Variants in NT5C1A observed in about 807,000 individuals in gnomAD.
The protein encoded by NT5C1A is 5'-nucleotidase, cytosolic IA, also known as cytosolic 5'-nucleotidase 1A.
In NT5C1A, 18 loss-of-function variants were observed where a neutral mutation model predicts 31.0. The ratio of observed to expected loss-of-function variants is 0.58; its 90% CI spans 0.40 to 0.86. The LOEUF is 0.86. Ranked by LOEUF, NT5C1A falls within the 40% of genes least tolerant of loss-of-function variation. NT5C1A has a pLI of 0.00. For missense variants in NT5C1A, 470 were observed against 505.4 expected (o/e 0.93, Z 0.67); for synonymous variants, 185 against 203.6 (o/e 0.91, Z 0.78).
intron 1 of NT5C1A, among the ~76,000 whole-genome samples, chr1:39,670,377 CA>C: frequency 6.6e-6 from 1 of 152,154 alleles, no homozygotes; most frequent in South Asian, 2.1e-4. Flanking sequence ...GAACAGATCA[CA>C]GGGGAAGCCT....
chr1:39,668,681 C>G (rs1487630458), intron 1 of NT5C1A, among the ~76,000 whole-genome samples: 1 of 152,248 alleles, frequency 6.6e-6, no homozygotes, highest in African/African-American at 2.4e-5. Context: ...CTTGCTACTT[C>G]CGCCTTCCCT....
At chr1:39,664,380 C>G (rs576940893) in intron 3 of NT5C1A, among the ~76,000 whole-genome samples, 16 of 147,216 alleles carry the variant, frequency 1.1e-4, no homozygotes, top group Admixed American at 6.8e-4. Flanking sequence ...ATCTCCTGAC[C>G]TCGTGATCCC....
At position 39,671,936 on chromosome 1, in the gene NT5C1A, C is replaced by A. The variant is rs143244851; in HGVS notation, c.103G>T (p.Asp35Tyr). ...PVWEEAKIFY[D>Y]NLAPKKKPKS... ...GGTTTCTTCTTGGGCGCGAGGTTGTCGTAGAAAATCTTGGCTTCCTCCCAG... is the reference window on the plus strand; with the variant it reads ...GGTTTCTTCTTGGGCGCGAGGTTGTAGTAGAAAATCTTGGCTTCCTCCCAG... Residue 35 changes from aspartate (D) to tyrosine (Y), a missense_variant, in exon 1 of 6, where the codon GAC becomes TAC. Transcript: ENST00000235628. 2.1e-5 allele frequency: 34 copies of A among 1,613,350 alleles called. No homozygotes were observed. Among genetic ancestry groups the A allele is most frequent in the Non-Finnish European group, 2.6e-5 (31 of 1,179,896 alleles).
chr1:39,665,899 G>A (rs1316041110), intron 2 of NT5C1A, among the ~76,000 whole-genome samples, 170 bp downstream of exon 2: 1 of 152,218 alleles, frequency 6.6e-6, no homozygotes, highest in South Asian at 2.1e-4. Flanking sequence ...TTGTCCAGAG[G>A]GTGGATGAAT....
In NT5C1A at chr1:39,655,995, C is replaced by T. The variant is rs1270941364; in HGVS notation, c.*3126G>A. 2.0e-5 allele frequency among the ~76,000 whole-genome samples: 3 copies of T among 152,104 alleles called. No homozygotes were observed. The highest frequency in any genetic ancestry group is 1.3e-4 in the Admixed American group (2 of 15,258). On this transcript the variant is annotated 3_prime_UTR_variant, in exon 6 of 6. Coordinates refer to ENST00000235628, the MANE Select transcript of NT5C1A (RefSeq NM_032526.3). ...TTTTTTCTGGCACATTCTGATATAT[C>T]CCCACTACTCTGATTGGGCTCTCAG...
chr1:39,658,634 C>T lies in NT5C1A; in HGVS notation c.*487G>A, dbSNP rs921743659. Among the ~76,000 whole-genome samples, 2 of 152,198 alleles carry T rather than the reference C, an allele frequency of 1.3e-5. No homozygotes were observed. Among genetic ancestry groups the T allele is most frequent in the African/African-American group, 4.8e-5 (2 of 41,450 alleles). ...AAGAGGGCGATCTTAAAGAACCAAG[C>T]TTCTTTGGCTAAAAGGGAGCTTGAA... On this transcript the variant is annotated 3_prime_UTR_variant, in exon 6 of 6. Transcript: ENST00000235628.
rs1646491880 is a variant in NT5C1A, at chr1:39,661,222, C to T, written c.598G>A (p.Val200Ile). 13 of 1,593,288 alleles carry T rather than the reference C, an allele frequency of 8.2e-6. No homozygotes were observed. The highest frequency in any genetic ancestry group is 2.2e-5 in the East Asian group (1 of 44,494). ...ACGCGCAGCTGACTCTGGGACACAA[C>T]CACATCCCTGCTGGGGCTGAAGATG... ...ATIFSPSRDVVVSQSQLRVAF... is the reference protein window; with the variant it reads ...ATIFSPSRDVIVSQSQLRVAF... The change falls in exon 5 of 6, where the codon GTT (valine) becomes ATT (isoleucine). Residue 200 changes from valine to isoleucine, a missense_variant. Val to Ile is a conservative substitution (Grantham distance 29, BLOSUM62 3). Coordinates refer to ENST00000235628, the MANE Select transcript of NT5C1A (RefSeq NM_032526.3).
intron 2 of NT5C1A, 95 bp from the exon 3 acceptor site, chr1:39,665,745 G>T: frequency 2.3e-6 from 3 of 1,294,820 alleles, no homozygotes; most frequent in Admixed American, 3.9e-5. Context: ...GAGGAGCCAT[G>T]CTTGGGATGA....
intron 1 of NT5C1A, among the ~76,000 whole-genome samples, chr1:39,667,290 C>A (rs1244848522): frequency 3.3e-5 from 5 of 150,596 alleles, no homozygotes; most frequent in Non-Finnish European, 5.9e-5. Context: ...CAACCTCCAC[C>A]TCTCAGGTTC....
rs758337481 is a variant in NT5C1A at position 39,659,525 on chromosome 1, C to A, written c.742-39G>T. 3.3e-6 allele frequency: 5 copies of A among 1,518,308 alleles called. No homozygotes were observed. The East Asian group carries it at 6.8e-5, about 21-fold the overall frequency. The allele number at this position is 1,518,308 out of a possible 1,614,324, so 94.1% of individuals were successfully genotyped here. A position where few individuals can be genotyped will look rare whatever the true frequency, so the allele number is the denominator to read the frequency against. ...AGGGGAACATTGTTAGCTCTACCAC[C>A]TCCTAAATATTTGCCCCCTGCTCTC... is the stretch of plus-strand genomic sequence containing the variant. On this transcript the variant is annotated intron_variant, in intron 5 of 5. Transcript: ENST00000235628.
At chr1:39,659,614 T>C in intron 5 of NT5C1A, 128 bp from the exon 6 acceptor site, 1 of 1,197,176 alleles carries the variant, frequency 8.4e-7, no homozygotes, top group Non-Finnish European at 1.2e-6. Context: ...TTCAGTTAGC[T>C]CTGCTTATGC....
At position 39,656,433 on chromosome 1, in the gene NT5C1A, G is replaced by A. The variant is rs1019698635; in HGVS notation, c.*2688C>T. ...ACTGAAAGCTTTTTTCCAGGCCTGAGATGCTCATTTGTGATTTCAATAATA... is the reference window on the plus strand; with the variant it reads ...ACTGAAAGCTTTTTTCCAGGCCTGAAATGCTCATTTGTGATTTCAATAATA... On this transcript the variant is annotated 3_prime_UTR_variant, in exon 6 of 6. Transcript: ENST00000235628. Among the ~76,000 whole-genome samples, 4 of 152,226 alleles carry A rather than the reference G, an allele frequency of 2.6e-5. No homozygotes were observed. Among genetic ancestry groups the A allele is most frequent in the Admixed American group, 2.6e-4 (4 of 15,288 alleles).
rs762567414 is a variant in NT5C1A at position 39,665,543 on chromosome 1, G to A, written c.411C>T (p.Leu137=). 5.0e-6 allele frequency: 8 copies of A among 1,613,354 alleles called. No homozygotes were observed. The South Asian group carries it at 5.5e-5, about 11-fold the overall frequency. The part of the protein sequence containing the change: ...TNNHAQVGVR[L]INSINHYDLF... The stretch of plus-strand genomic sequence containing the variant: ...CACCATAGTGGTTGATACTGTTGAT[G>A]AGGCGGACACCCACTTGAGCATGGT... The change falls in exon 3 of 6, where the codon CTC becomes CTT. Residue 137 remains leucine (L), a synonymous_variant. Coordinates refer to ENST00000235628, the MANE Select transcript of NT5C1A (RefSeq NM_032526.3).
rs1646553528 is a variant in NT5C1A, at chr1:39,671,794, G to C, written c.135+110C>G. On this transcript the variant is annotated intron_variant, in intron 1 of 5. Transcript: ENST00000235628. ...GCAGGGCGCATTCTGGGGCTGAGGA[G>C]CTGCGTCCCCTCCCAGAGGGGCGCC... The C allele has an allele frequency of 9.1e-6, 12 of 1,318,888 alleles. No individual in the cohort carries two copies. The Admixed American group carries it at 2.1e-4, about 23-fold the overall frequency. 81.7% of individuals were successfully genotyped at this position (1,318,888 alleles called of 1,614,324 possible). A position where few individuals can be genotyped will look rare whatever the true frequency, so the allele number is the denominator to read the frequency against.
chr1:39,663,365 G>C lies in NT5C1A; in HGVS notation c.503C>G (p.Thr168Ser). ...CGCATCGGCTGACAAGTAGAGGTTG[G>C]TGTGATAGGCCTTGAGGTAGCAGAT... ...SPICYLKAYH[T>S]NLYLSADAEK... The change falls in exon 4 of 6, where the codon ACC becomes AGC. Residue 168 changes from threonine to serine, a missense_variant. Coordinates refer to ENST00000235628, the MANE Select transcript of NT5C1A (RefSeq NM_032526.3). 1 of 1,614,126 alleles carries C rather than the reference G, an allele frequency of 6.2e-7. No individual in the cohort carries two copies.
At chr1:39,663,682 A>T (rs1314322530) in intron 3 of NT5C1A, among the ~76,000 whole-genome samples, 1 of 137,332 alleles carries the variant, frequency 7.3e-6, no homozygotes, top group Non-Finnish European at 1.5e-5. Context: ...ACAGTGCTAC[A>T]TGCCTGTGTG....
chr1:39,666,342 C>T (rs1570461286), intron 1 of NT5C1A, 106 bp from the exon 2 acceptor site: 2 of 1,077,920 alleles, frequency 1.9e-6, no homozygotes, highest in East Asian at 2.5e-5. Flanking sequence ...AGACCCAGAC[C>T]CAGTCTCTAC....
intron 3 of NT5C1A, among the ~76,000 whole-genome samples, chr1:39,663,697 C>T (rs1646503712): frequency 7.1e-5 from 4 of 56,302 alleles, no homozygotes; most frequent in Admixed American, 2.8e-4. Context: ...TGTGTGACCC[C>T]GCCTCCTGGC....
chr1:39,651,851 G>A lies in NT5C1A; in HGVS notation c.*7270C>T, dbSNP rs761398221. 6.6e-6 allele frequency among the ~76,000 whole-genome samples: 1 copy of A among 151,600 alleles called. No homozygotes were observed. The highest frequency in any genetic ancestry group is 1.5e-5 in the Non-Finnish European group (1 of 67,942). On this transcript the variant is annotated 3_prime_UTR_variant, in exon 6 of 6. Coordinates refer to ENST00000235628, the MANE Select transcript of NT5C1A (RefSeq NM_032526.3). ...TCGAGACCAGCCTGGCCAATATGGT[G>A]AAACCCCATCTCTACTAAAAATACA...
Sources: gnomAD v4.1 joint callset for allele counts (sites outside exome capture counted in the v4.1 genomes callset) on GRCh38, gnomAD v4.1.1 for gene constraint, MANE v1.5 for transcripts, NCBI Gene and HGNC (gene_info 2026-07-23, HGNC 2026-07-21) for gene names.